Variants in CRISP1 observed in about 807,000 individuals in gnomAD.
CRISP1 encodes the protein cysteine rich secretory protein 1.
CRISP1 carries 44 observed loss-of-function variants against 33.1 expected under a neutral mutation model. That is an observed-to-expected ratio of 1.33 (90% confidence interval 1.05 to 1.71). The LOEUF (loss-of-function observed/expected upper bound fraction) is 1.71, where lower values mean the gene tolerates loss of function less well. Ranked by LOEUF, CRISP1 falls within the 40% of genes most tolerant of loss-of-function variation. The pLI is 0.00. For missense variants in CRISP1, 390 were observed against 301.2 expected, an observed-to-expected ratio of 1.29 and a Z score of -2.18; for synonymous variants, 103 against 98.7, an observed-to-expected ratio of 1.04 and a Z score of -0.26.
At position 49,835,220 on chromosome 6, in the gene CRISP1, T is replaced by A; in HGVS notation, c.*96A>T. 1 of 1,323,270 alleles carries A rather than the reference T, an allele frequency of 7.6e-7. No homozygotes were observed. Among genetic ancestry groups the A allele is most frequent in the East Asian group, 2.4e-5 (1 of 41,412 alleles). The allele number at this position is 1,323,270 out of a possible 1,614,324, so 82.0% of individuals were successfully genotyped here. A position where few individuals can be genotyped will look rare whatever the true frequency, so the allele number is the denominator to read the frequency against. ...TCCAGCATGATTAAAATCAGTGAAA[T>A]TTAGCAGAAGCTACTGAACTATAGC... On this transcript the variant is annotated 3_prime_UTR_variant, in exon 8 of 8. Transcript: ENST00000335847.
chr6:49,845,105 C>G (rs1300631847), intron 5 of CRISP1, among the ~76,000 whole-genome samples: 1 of 152,072 alleles, frequency 6.6e-6, no homozygotes. Flanking sequence ...GTATTCTGTA[C>G]CTCTAACTTC....
intron 1 of CRISP1, among the ~76,000 whole-genome samples, chr6:49,860,973 T>C (rs1432293506): frequency 6.6e-6 from 1 of 152,046 alleles, no homozygotes; most frequent in South Asian, 2.1e-4. Flanking sequence ...GATAACTATA[T>C]ACTAACAACT....
At position 49,834,484 on chromosome 6, in the gene CRISP1, G is replaced by A. The variant is rs926357520; in HGVS notation, c.*832C>T. ...AAATAATCATAACCTTTGCAACCCTGTTTACTCAGAAGATGTTCCTCATTC... is the reference window on the plus strand; with the variant it reads ...AAATAATCATAACCTTTGCAACCCTATTTACTCAGAAGATGTTCCTCATTC... On this transcript the variant is annotated 3_prime_UTR_variant, in exon 8 of 8. Transcript: ENST00000335847. The A allele has an allele frequency of 6.6e-6, 1 of 151,974 alleles. No homozygotes were observed. The highest frequency in any genetic ancestry group is 2.1e-4 in the South Asian group (1 of 4,830). 9.4% of individuals were successfully genotyped at this position (151,974 alleles called of 1,614,324 possible).
At chr6:49,841,989 A>G (rs185217433) in intron 5 of CRISP1, among the ~76,000 whole-genome samples, 4 of 152,304 alleles carry the variant, frequency 2.6e-5, no homozygotes, top group Non-Finnish European at 5.9e-5. Flanking sequence ...GAGCCTGGGT[A>G]GCTTTCTCAC....
chr6:49,837,365 T>C (rs527902542), intron 7 of CRISP1, among the ~76,000 whole-genome samples: 1 of 152,284 alleles, frequency 6.6e-6, no homozygotes, highest in South Asian at 2.1e-4. Context: ...ACCACAGACA[T>C]TGCTTTTCTC....
intron 4 of CRISP1, among the ~76,000 whole-genome samples, chr6:49,847,154 G>T (rs573129809): frequency 6.6e-6 from 1 of 152,214 alleles, no homozygotes; most frequent in South Asian, 2.1e-4. Context: ...CTAATTCACT[G>T]CTAAAAAGCA....
At chr6:49,853,936 A>T (rs1396080911) in intron 2 of CRISP1, among the ~76,000 whole-genome samples, 1 of 152,194 alleles carries the variant, frequency 6.6e-6, no homozygotes, top group Admixed American at 6.5e-5. Flanking sequence ...CAAATCAGTA[A>T]GATTGACCTC....
chr6:49,868,909 A>C (rs914293831), upstream of CRISP1, among the ~76,000 whole-genome samples: 2 of 152,196 alleles, frequency 1.3e-5, no homozygotes, highest in Non-Finnish European at 2.9e-5. Context: ...CAGTTTCTGA[A>C]TTTGAATTTT....
intron 1 of CRISP1, among the ~76,000 whole-genome samples, chr6:49,858,546 A>G (rs1275260450): frequency 6.6e-6 from 1 of 152,192 alleles, no homozygotes; most frequent in South Asian, 2.1e-4. Flanking sequence ...GCTCAATATG[A>G]GAAGAACTCT....
At chr6:49,867,613 C>G (rs1771828997), upstream of CRISP1, among the ~76,000 whole-genome samples, 1 of 151,892 alleles carries the variant, frequency 6.6e-6, no homozygotes, top group Admixed American at 6.6e-5. Context: ...ATAGAACTTT[C>G]TGGTCTTGTT....
intron 2 of CRISP1, among the ~76,000 whole-genome samples, chr6:49,853,702 T>A (rs748798057): frequency 6.6e-6 from 1 of 152,164 alleles, no homozygotes; most frequent in Non-Finnish European, 1.5e-5. Context: ...TCATTTTCTC[T>A]ACTAGCCCTC....
At chr6:49,861,709 C>A (rs1398142777) in intron 1 of CRISP1, among the ~76,000 whole-genome samples, 2 of 151,992 alleles carry the variant, frequency 1.3e-5, no homozygotes, top group South Asian at 4.1e-4. Context: ...CATGGTGAAA[C>A]CTCGTCTCTA....
chr6:49,838,719 G>T (rs1770886369), intron 6 of CRISP1, among the ~76,000 whole-genome samples, 194 bp from the exon 7 acceptor site: 1 of 152,130 alleles, frequency 6.6e-6, no homozygotes, highest in African/African-American at 2.4e-5. Context: ...ACCAATAAAT[G>T]TGAGTGACAT....
intron 3 of CRISP1, among the ~76,000 whole-genome samples, chr6:49,851,394 CT>C (rs1771341045): frequency 6.6e-6 from 1 of 152,086 alleles, no homozygotes; most frequent in Admixed American, 6.6e-5. Context: ...CTAAATTTGT[CT>C]TGTAGCAGAG....
At chr6:49,842,603 C>T (rs1265974258) in intron 5 of CRISP1, among the ~76,000 whole-genome samples, 1 of 152,110 alleles carries the variant, frequency 6.6e-6, no homozygotes, top group Non-Finnish European at 1.5e-5. Context: ...CCCACTGGGC[C>T]TGCTGTCATG....
chr6:49,837,583 G>A (rs1286426655), intron 7 of CRISP1, among the ~76,000 whole-genome samples: 1 of 151,854 alleles, frequency 6.6e-6, no homozygotes, highest in Non-Finnish European at 1.5e-5. Flanking sequence ...CAAGAGAAGA[G>A]AAACGAGAGA....
chr6:49,836,044 C>A (rs1322046072), intron 7 of CRISP1, among the ~76,000 whole-genome samples: 1 of 152,046 alleles, frequency 6.6e-6, no homozygotes, highest in African/African-American at 2.4e-5. Context: ...TGAAGATACC[C>A]AAAATTTTAA....
chr6:49,874,807 C>T (rs977237371), intron 1 of CRISP1, among the ~76,000 whole-genome samples: 2 of 152,030 alleles, frequency 1.3e-5, no homozygotes, highest in Admixed American at 6.6e-5. Flanking sequence ...ACAAAAATCA[C>T]ATGACTATGT....
intron 2 of CRISP1, 87 bp downstream of exon 2, chr6:49,857,248 A>T: frequency 1.5e-6 from 2 of 1,304,324 alleles, no homozygotes; most frequent in Non-Finnish European, 2.2e-6. Flanking sequence ...GCCTCACAAC[A>T]GTGCCTCTAA....
Sources: gnomAD v4.1 joint callset for allele counts (sites outside exome capture counted in the v4.1 genomes callset) on GRCh38, gnomAD v4.1.1 for gene constraint, MANE v1.5 for transcripts, NCBI Gene and HGNC (gene_info 2026-07-23, HGNC 2026-07-21) for gene names.